Variants in WDPCP observed in about 807,000 individuals in gnomAD.
WDPCP encodes the protein WD repeat-containing and planar cell polarity effector protein fritz homolog.
In WDPCP, 71 loss-of-function variants were observed where a neutral mutation model predicts 93.1. The ratio of observed to expected loss-of-function variants is 0.76; its 90% confidence interval spans 0.63 to 0.93. WDPCP has a LOEUF of 0.93. WDPCP is among the 40% of genes least tolerant of loss of function. The pLI is 0.00. For synonymous variants in WDPCP, 315 were observed against 315.0 expected (o/e 1.00, Z 0.00); for missense variants, 844 against 887.4 (o/e 0.95, Z 0.62).
chr2:63,379,882 C>T (rs936424121), intron 11 of WDPCP, among the ~76,000 whole-genome samples: 2 of 152,106 alleles, frequency 1.3e-5, no homozygotes, highest in Non-Finnish European at 2.9e-5. Flanking sequence ...ACGCACACAC[C>T]TACTTAAAAT....
chr2:63,476,436 T>G (rs1178987261), intron 6 of WDPCP, among the ~76,000 whole-genome samples: 1 of 152,164 alleles, frequency 6.6e-6, no homozygotes, highest in East Asian at 1.9e-4. Flanking sequence ...TTAACCAAAT[T>G]TCACACAGCT....
chr2:63,599,378 T>A, intron 3 of WDPCP: 1 of 1,413,586 alleles, frequency 7.1e-7, no homozygotes, highest in Non-Finnish European at 9.5e-7. Flanking sequence ...TCTGAGTTTG[T>A]GCTTTTTTCT....
Position 63,722,527 on chromosome 2 carries a change from G to A in WDPCP, n.309-71689C>T, listed in dbSNP as rs1162621788. 2.9e-5 allele frequency among the ~76,000 whole-genome samples: 4 copies of A among 137,946 alleles called. 1 individual carries two copies. Among genetic ancestry groups the A allele is most frequent in the African/African-American group, 5.3e-5 (2 of 37,596 alleles). 90.5% of individuals were successfully genotyped at this position (137,946 alleles called of 152,430 possible). A position where few individuals can be genotyped will look rare whatever the true frequency, so the allele number is the denominator to read the frequency against. ...CGTCTGGGAAGTGAGGAGCGTCTCC[G>A]CCCGGCCAGCCGCCCCATCCGGGAG... On this transcript the variant is annotated intron_variant and non_coding_transcript_variant, in intron 2 of 4. Transcript: ENST00000467687.
intron 2 of WDPCP, chr2:63,752,496 C>T (rs1669898681): frequency 2.6e-6 from 2 of 758,108 alleles, no homozygotes; most frequent in Non-Finnish European, 4.7e-6. Flanking sequence ...GTGTTGGGAT[C>T]TCTCATGACC....
At chr2:63,622,066 CTTTTTTT>C (rs33925505) in intron 3 of WDPCP, 264 of 529,106 alleles carry the variant, frequency 5.0e-4, no homozygotes, top group South Asian at 2.4e-4. Flanking sequence ...TTTCTTTTTT[CTTTTTTT>C]TTTTTTTTTT....
chr2:63,266,730 C>CT (rs1480419747), intron 13 of WDPCP, among the ~76,000 whole-genome samples: 2 of 151,982 alleles, frequency 1.3e-5, no homozygotes, highest in Non-Finnish European at 2.9e-5. Flanking sequence ...CATTTGAACT[C>CT]GGGGGGTGGA....
chr2:63,578,106 G>A (rs1334902345), intron 1 of WDPCP, among the ~76,000 whole-genome samples: 1 of 152,112 alleles, frequency 6.6e-6, no homozygotes, highest in Non-Finnish European at 1.5e-5. Flanking sequence ...AATACACTGT[G>A]TTATATTTAT....
rs142743672 is a variant in WDPCP at position 63,764,787 on chromosome 2, G to A, written n.308+48835C>T. 2.6e-5 allele frequency among the ~76,000 whole-genome samples: 4 copies of A among 152,206 alleles called. No homozygotes were observed. The East Asian group carries it at 7.7e-4, about 29-fold the overall frequency. ...AGGCAAGACCATGAAGGAGGAGTTT[G>A]GGCTGGAAACAAAGGCTAAGTCACC... On this transcript the variant is annotated intron_variant and non_coding_transcript_variant, in intron 2 of 4. Transcript: ENST00000467687.
intron 17 of WDPCP, among the ~76,000 whole-genome samples, chr2:63,124,200 T>C (rs1390747581): frequency 6.6e-6 from 1 of 151,718 alleles, no homozygotes; most frequent in Non-Finnish European, 1.5e-5. Context: ...GGATAAACAC[T>C]GTAGAATTGG....
In WDPCP at chr2:63,420,361, TA is replaced by T. The variant is rs60889615; in HGVS notation, c.825+13383del. Among the ~76,000 whole-genome samples the T allele has an allele frequency of 5.9e-3, 710 of 120,482 alleles. 6 individuals are homozygous for T. Among genetic ancestry groups the T allele is most frequent in the Admixed American group, 0.024 (279 of 11,870 alleles). 79.0% of individuals were successfully genotyped at this position (120,482 alleles called of 152,430 possible). A position where few individuals can be genotyped will look rare whatever the true frequency, so the allele number is the denominator to read the frequency against. The stretch of plus-strand genomic sequence containing the variant: ...AACATAGAGACACCCCATCTTTACT[TA>T]AAAAAAAAAAAAAACAGAAAAATTA... On this transcript the variant is annotated intron_variant, in intron 9 of 17. Coordinates refer to ENST00000272321, the MANE Select transcript of WDPCP (RefSeq NM_015910.7).
chr2:63,831,355 C>T (rs528814818), upstream of WDPCP, among the ~76,000 whole-genome samples: 1 of 152,272 alleles, frequency 6.6e-6, no homozygotes, highest in South Asian at 2.1e-4. Flanking sequence ...TTCCTCACTC[C>T]AGTCTCCTCT....
rs79720268 is a variant in WDPCP at position 63,758,435 on chromosome 2, T to C, written n.308+55187A>G. On this transcript the variant is annotated intron_variant and non_coding_transcript_variant, in intron 2 of 4. Coordinates refer to the WDPCP transcript ENST00000467687. ...CAGGAGAGGTTCTGGAATCTTTTTGTTTTGTTTTGTTTTTGCTTTTTGGGA... is the reference window on the plus strand; with the variant it reads ...CAGGAGAGGTTCTGGAATCTTTTTGCTTTGTTTTGTTTTTGCTTTTTGGGA... Among the ~76,000 whole-genome samples the C allele has an allele frequency of 8.9e-4, 135 of 152,172 alleles. 3 individuals are homozygous for C. The East Asian group carries it at 0.022, about 25-fold the overall frequency.
At chr2:63,482,355 T>C (rs1366636749) in intron 6 of WDPCP, among the ~76,000 whole-genome samples, 1 of 151,984 alleles carries the variant, frequency 6.6e-6, no homozygotes. Flanking sequence ...TCACTCCTTT[T>C]CTAAGAGTTA....
Position 63,226,098 on chromosome 2 carries a change from T to C in WDPCP, c.1915+33209A>G, listed in dbSNP as rs147646227. 7.0e-3 allele frequency among the ~76,000 whole-genome samples: 1,063 copies of C among 152,014 alleles called. 3 individuals carry two copies. The highest frequency in any genetic ancestry group is 9.6e-3 in the Non-Finnish European group (654 of 67,834). ...TCAACTCATCTACCCATACTCTATG[T>C]TGAAATCCCATGCTTTGGAACAGGA... is the stretch of plus-strand genomic sequence containing the variant. On this transcript the variant is annotated intron_variant, in intron 14 of 17. Transcript: ENST00000272321.
At chr2:63,212,563 C>T (rs374917899) in intron 14 of WDPCP, among the ~76,000 whole-genome samples, 2 of 152,082 alleles carry the variant, frequency 1.3e-5, no homozygotes, top group Admixed American at 1.3e-4. Flanking sequence ...CATCAACTAA[C>T]GAGCAAAATA....
chr2:63,719,611 T>G (rs1201262355), intron 2 of WDPCP, among the ~76,000 whole-genome samples: 1 of 152,148 alleles, frequency 6.6e-6, no homozygotes, highest in Non-Finnish European at 1.5e-5. Flanking sequence ...ACAAGTTTGA[T>G]TTAATAGACG....
At chr2:63,509,851 G>C (rs1702115502) in intron 1 of WDPCP, among the ~76,000 whole-genome samples, 1 of 152,110 alleles carries the variant, frequency 6.6e-6, no homozygotes, top group African/African-American at 2.4e-5. Context: ...TAAATTCCTA[G>C]ACACATATAC....
At chr2:63,329,401 CTTTT>C (rs558671777) in intron 12 of WDPCP, among the ~76,000 whole-genome samples, 1 of 151,124 alleles carries the variant, frequency 6.6e-6, no homozygotes, top group East Asian at 1.9e-4. Context: ...ACATACCGCA[CTTTT>C]TTTTTGCAAG....
At position 63,530,167 on chromosome 2, in the gene WDPCP, TTTTTTTGTAGGG is replaced by T. The variant is rs1462841490; in HGVS notation, c.76-37239_76-37228del. On this transcript the variant is annotated intron_variant, in intron 1 of 17. Transcript: ENST00000272321. ...AAAAACCAGCTCCTGGATTCATTGA[TTTTTTTGTAGGG>T]TTTTTTGTGTCTCTATCTCCTTCAA... Among the ~76,000 whole-genome samples the T allele has an allele frequency of 6.6e-5, 10 of 152,138 alleles. No individual in the cohort carries two copies. The South Asian group carries it at 2.1e-3, about 32-fold the overall frequency.
Sources: allele counts gnomAD v4.1 joint callset (sites outside exome capture counted in the v4.1 genomes callset), GRCh38; gene constraint gnomAD v4.1.1; transcripts MANE v1.5; gene names NCBI Gene and HGNC (gene_info 2026-07-23, HGNC 2026-07-21).